The following RPS6KA2 variants were observed in gnomAD, a reference collection of about 807,000 sequenced individuals.
The protein encoded by RPS6KA2 is ribosomal protein S6 kinase A2.
A neutral mutation model predicts 91.8 loss-of-function variants in RPS6KA2; 42 were observed. The observed-to-expected ratio is 0.46, with a 90% CI of 0.36 to 0.59. The LOEUF is 0.59. Ranked by LOEUF, RPS6KA2 falls within the 20% of genes least tolerant of loss-of-function variation. RPS6KA2 has a pLI of 0.00. For synonymous variants in RPS6KA2, 414 were observed against 393.6 expected, an observed-to-expected ratio of 1.05 and a Z score of -0.61; for missense variants, 798 against 978.5, an observed-to-expected ratio of 0.82 and a Z score of 2.46.
chr6:166,711,017 G>A (rs1157077718), intron 2 of RPS6KA2, among the ~76,000 whole-genome samples: 2 of 152,084 alleles, frequency 1.3e-5, no homozygotes, highest in Non-Finnish European at 2.9e-5. Flanking sequence ...AAGGCTGTGT[G>A]GGTGGCCTAG....
At chr6:166,736,799 G>T (rs1291620426) in intron 2 of RPS6KA2, among the ~76,000 whole-genome samples, 2 of 152,194 alleles carry the variant, frequency 1.3e-5, no homozygotes, top group African/African-American at 4.8e-5. Flanking sequence ...CAGAGAGGCT[G>T]ACTAATGATG....
chr6:166,480,842 G>T (rs1463166535), intron 10 of RPS6KA2, among the ~76,000 whole-genome samples: 1 of 152,038 alleles, frequency 6.6e-6, no homozygotes, highest in Non-Finnish European at 1.5e-5. Context: ...TAGAGATGGG[G>T]TTTCGCCATG....
intron 2 of RPS6KA2, among the ~76,000 whole-genome samples, chr6:166,661,775 C>T (rs1582996831): frequency 1.3e-5 from 2 of 151,946 alleles, no homozygotes; most frequent in East Asian, 3.8e-4. Flanking sequence ...TTTTCTCTTT[C>T]TGAAATCGGT....
At chr6:166,742,798 C>T (rs1488180959) in intron 2 of RPS6KA2, among the ~76,000 whole-genome samples, 1 of 152,194 alleles carries the variant, frequency 6.6e-6, no homozygotes, top group African/African-American at 2.4e-5. Context: ...ATTTTGTTAA[C>T]AGGTGAATGG....
intron 6 of RPS6KA2, among the ~76,000 whole-genome samples, chr6:166,502,897 T>G (rs1421008388): frequency 6.6e-6 from 1 of 152,200 alleles, no homozygotes; most frequent in Non-Finnish European, 1.5e-5. Context: ...GATTCTACGT[T>G]GAGCATCCCT....
intron 2 of RPS6KA2, among the ~76,000 whole-genome samples, chr6:166,836,333 A>G (rs1444696087): frequency 1.3e-5 from 2 of 152,068 alleles, no homozygotes; most frequent in East Asian, 1.9e-4. Flanking sequence ...TCTTCCTTAA[A>G]TGTTCGATAG....
chr6:166,449,990 CATGGGA>C, intron 13 of RPS6KA2, among the ~76,000 whole-genome samples: 1 of 151,690 alleles, frequency 6.6e-6, no homozygotes, highest in South Asian at 2.1e-4. Flanking sequence ...CAGGGACCGC[CATGGGA>C]ACCACCATGG....
chr6:166,578,859 T>G (rs1327408985), intron 1 of RPS6KA2, among the ~76,000 whole-genome samples: 1 of 152,206 alleles, frequency 6.6e-6, no homozygotes, highest in African/African-American at 2.4e-5. Context: ...ATTGATGGGA[T>G]CTGTGCAGAG....
chr6:166,469,757 G>A, intron 11 of RPS6KA2, 84 bp downstream of exon 11: 3 of 1,226,230 alleles, frequency 2.4e-6, no homozygotes, highest in Non-Finnish European at 2.4e-6. Context: ...CGGACACTGA[G>A]GACCCTCTGC....
rs193201968 is a variant in RPS6KA2 at position 166,533,658 on chromosome 6, T to C, written c.217-2345A>G. Among the ~76,000 whole-genome samples the C allele has an allele frequency of 4.6e-5, 7 of 152,298 alleles. No homozygotes were observed. The East Asian group carries it at 1.4e-3, about 29-fold the overall frequency. ...CCGGGCAGCCTGGTCACTGAGTCAC[T>C]GTGTGGAGGATGGAAGCCTTGGGTG... On this transcript the variant is annotated intron_variant, in intron 2 of 20. Coordinates refer to ENST00000265678, the MANE Select transcript of RPS6KA2 (RefSeq NM_021135.6). This position sits in a 1 kb window ranked among gnomAD's most constrained non-coding sequence, Gnocchi z 4.0.
At chr6:166,713,115 C>G (rs1789914511) in intron 2 of RPS6KA2, among the ~76,000 whole-genome samples, 1 of 152,182 alleles carries the variant, frequency 6.6e-6, no homozygotes, top group Non-Finnish European at 1.5e-5. Flanking sequence ...CTTCCATGAC[C>G]TCCTCTGCCA....
intron 2 of RPS6KA2, among the ~76,000 whole-genome samples, chr6:166,647,493 A>G (rs746632841): frequency 2.6e-5 from 4 of 151,662 alleles, no homozygotes; most frequent in Non-Finnish European, 5.9e-5. Flanking sequence ...GCCCTTCCCT[A>G]CTCTACACCG....
chr6:166,775,259 CA>C lies in RPS6KA2; in HGVS notation c.123+82940del, dbSNP rs1304285931. On this transcript the variant is annotated intron_variant, in intron 2 of 21. Coordinates refer to the RPS6KA2 transcript ENST00000503859. ...ATACACACTCATTGAAAGCCCCCCC[CA>C]CCCCCGGCCCCTTCGCACTATGCAC... Among the ~76,000 whole-genome samples, 108 of 147,800 alleles carry C rather than the reference CA, an allele frequency of 7.3e-4. 2 individuals carry two copies. Among genetic ancestry groups the C allele is most frequent in the African/African-American group, 2.5e-3 (103 of 40,428 alleles).
intron 2 of RPS6KA2, among the ~76,000 whole-genome samples, chr6:166,699,001 T>C (rs1789432255): frequency 6.6e-6 from 1 of 151,918 alleles, no homozygotes; most frequent in Admixed American, 6.6e-5. Context: ...TTCAGGAGGA[T>C]GTGGAAGATG....
chr6:166,755,257 GT>G (rs1777974181), intron 2 of RPS6KA2, among the ~76,000 whole-genome samples: 1 of 152,106 alleles, frequency 6.6e-6, no homozygotes, highest in Non-Finnish European at 1.5e-5. Flanking sequence ...CCCAGTAGGA[GT>G]GCTTTCTCTG....
chr6:166,802,415 TA>T (rs1779390309), intron 2 of RPS6KA2, among the ~76,000 whole-genome samples: 1 of 152,024 alleles, frequency 6.6e-6, no homozygotes, highest in East Asian at 1.9e-4. Flanking sequence ...ACACAAAACA[TA>T]AGATTTAAAA....
intron 2 of RPS6KA2, among the ~76,000 whole-genome samples, chr6:166,829,079 C>A (rs1016578404): frequency 6.6e-6 from 1 of 152,156 alleles, no homozygotes; most frequent in Non-Finnish European, 1.5e-5. Context: ...AATAAGCACA[C>A]GGAGAAACGC....
upstream of RPS6KA2, chr6:166,627,305 A>G (rs1422486609): frequency 2.6e-6 from 2 of 782,522 alleles, no homozygotes; most frequent in Non-Finnish European, 3.1e-6. Flanking sequence ...ACTACCACCA[A>G]TCAGCGCCCG....
At position 166,422,210 on chromosome 6, in the gene RPS6KA2, A is replaced by G. The variant is rs1778747319; in HGVS notation, c.1743+1046T>C. ...CCACCGCACCCAGCCAAACTTGGTT[A>G]TTTTTAAAGGGGCCACAGGTTGCTC... is the stretch of plus-strand genomic sequence containing the variant. On this transcript the variant is annotated intron_variant, in intron 17 of 20. Transcript: ENST00000265678. Among the ~76,000 whole-genome samples the G allele has an allele frequency of 2.0e-5, 3 of 152,118 alleles. No homozygotes were observed. In the South Asian group the frequency reaches 6.2e-4, roughly 32 times the overall value.
Sources: allele counts gnomAD v4.1 joint callset (sites outside exome capture counted in the v4.1 genomes callset), GRCh38; gene constraint gnomAD v4.1.1; non-coding constraint Gnocchi (gnomAD v3.1); transcripts MANE v1.5; gene names NCBI Gene and HGNC (gene_info 2026-07-23, HGNC 2026-07-21).